The following USP5 variants were observed in gnomAD, a reference collection of about 807,000 sequenced individuals.
USP5 encodes the protein ubiquitin carboxyl-terminal hydrolase 5.
Under a neutral mutation model 102.5 loss-of-function variants are expected in USP5, and 24 were observed. The observed-to-expected ratio is 0.23, with a 90% CI of 0.17 to 0.33. The LOEUF is 0.33. Among genes scored for constraint, USP5 ranks in the 10% least tolerant of loss-of-function variants. The pLI, the probability that USP5 is intolerant of heterozygous loss-of-function variation, is 1.00. For missense variants in USP5, 753 were observed against 1,122.1 expected (o/e 0.67, Z 4.70); for synonymous variants, 460 against 434.8 (o/e 1.06, Z -0.72).
intron 13 of USP5, 66 bp from the exon 14 acceptor site, chr12:6,862,404 G>C: frequency 7.1e-7 from 1 of 1,407,284 alleles, no homozygotes; most frequent in Non-Finnish European, 1.0e-6. Context: ...TGAACCCCAG[G>C]TGGGAGTTTC....
At position 6,865,879 on chromosome 12, in the gene USP5, CAG is replaced by C. The variant is rs148947224; in HGVS notation, c.2484-100_2484-99del. Reference sequence around the variant, plus strand: ...CTGGGCTGTGGATTTGGGGTATGGGCAGAGAGTGTGGAGAGCACTTCCAGGGG... The same window carrying C: ...CTGGGCTGTGGATTTGGGGTATGGGCAGAGTGTGGAGAGCACTTCCAGGGG... On this transcript the variant is annotated intron_variant, in intron 19 of 19. Coordinates refer to ENST00000229268, the MANE Select transcript of USP5 (RefSeq NM_001098536.2). The C allele has an allele frequency of 1.0e-2, 9,753 of 976,486 alleles. 989 individuals carry two copies. The East Asian group carries it at 0.21, about 21-fold the overall frequency. 60.5% of individuals were successfully genotyped at this position (976,486 alleles called of 1,614,324 possible).
intron 14 of USP5, 63 bp downstream of exon 14, chr12:6,862,621 C>T: frequency 6.9e-7 from 1 of 1,446,138 alleles, no homozygotes; most frequent in Non-Finnish European, 9.7e-7. Flanking sequence ...GGCTTTAACA[C>T]ATATAAACTA....
chr12:6,866,165 G>A lies in USP5; in HGVS notation c.*88G>A. The A allele has an allele frequency of 8.2e-7, 1 of 1,222,266 alleles. No homozygotes were observed. 75.7% of individuals were successfully genotyped at this position (1,222,266 alleles called of 1,614,324 possible). ...CTGAGGGATGGACTTCAGCCCCTCT[G>A]CTCTGTACCCTTTTTCCTTTTGTCC... On this transcript the variant is annotated 3_prime_UTR_variant, in exon 20 of 20. Coordinates refer to ENST00000229268, the MANE Select transcript of USP5 (RefSeq NM_001098536.2). The surrounding 1 kb of genome is among the most constrained non-coding windows in gnomAD (Gnocchi z 4.7).
intron 14 of USP5, 67 bp downstream of exon 14, chr12:6,862,625 TAA>T: frequency 1.4e-6 from 2 of 1,412,382 alleles, no homozygotes; most frequent in East Asian, 4.6e-5. Context: ...TTAACACATA[TAA>T]ACTAGTGTTT....
Position 6,860,889 on chromosome 12 carries a change from A to G in USP5, c.1345-64A>G. On this transcript the variant is annotated intron_variant, in intron 11 of 19. Coordinates refer to ENST00000229268, the MANE Select transcript of USP5 (RefSeq NM_001098536.2). This position sits in a 1 kb window ranked among gnomAD's most constrained non-coding sequence, Gnocchi z 5.5. ...CCTTCTCTCCCTGACTCTCCCATGA[A>G]CCTTTCAGGCCCCATTCTGTTCCCT... is the stretch of plus-strand genomic sequence containing the variant. The G allele has an allele frequency of 1.9e-6, 3 of 1,596,148 alleles. No individual in the cohort carries two copies. Among genetic ancestry groups the G allele is most frequent in the Non-Finnish European group, 1.7e-6 (2 of 1,169,024 alleles).
At position 6,864,302 on chromosome 12, in the gene USP5, C is replaced by T. The variant is rs1156796440; in HGVS notation, c.2244+107C>T. 2.1e-5 allele frequency: 30 copies of T among 1,424,136 alleles called. No individual in the cohort carries two copies. In the African/African-American group the frequency reaches 2.4e-4, roughly 12 times the overall value. 88.2% of individuals were successfully genotyped at this position (1,424,136 alleles called of 1,614,324 possible). A position where few individuals can be genotyped will look rare whatever the true frequency, so the allele number is the denominator to read the frequency against. ...CCAAAGACAACAGGTGTGGTCTGGC[C>T]GAGGTTGGGCACCACTCTTTTGTGG... On this transcript the variant is annotated intron_variant, in intron 17 of 19. Coordinates refer to ENST00000229268, the MANE Select transcript of USP5 (RefSeq NM_001098536.2). The surrounding 1 kb of genome is among the most constrained non-coding windows in gnomAD (Gnocchi z 4.8).
chr12:6,865,627 G>C (rs1555130691), intron 19 of USP5, among the ~76,000 whole-genome samples: 1 of 152,180 alleles, frequency 6.6e-6, no homozygotes, highest in African/African-American at 2.4e-5. Context: ...TGTGTTGTTT[G>C]TGCCTGTTTT....
At position 6,864,517 on chromosome 12, in the gene USP5, G is replaced by A. The variant is rs1199889792; in HGVS notation, c.2245-205G>A. ...ATCCTGGCTAACACGGTGAAACCCC[G>A]TCTCTACGAAAAATACAAAAAATTA... On this transcript the variant is annotated intron_variant, in intron 17 of 19. Coordinates refer to ENST00000229268, the MANE Select transcript of USP5 (RefSeq NM_001098536.2). This position sits in a 1 kb window ranked among gnomAD's most constrained non-coding sequence, Gnocchi z 4.8. Among the ~76,000 whole-genome samples the A allele has an allele frequency of 3.9e-5, 6 of 152,144 alleles. No homozygotes were observed. Among genetic ancestry groups the A allele is most frequent in the Admixed American group, 1.3e-4 (2 of 15,276 alleles).
rs1428854497 is a variant in USP5 at position 6,861,117 on chromosome 12, C to A, written c.1498+11C>A. 6.2e-7 allele frequency: 1 copy of A among 1,613,520 alleles called. No individual in the cohort carries two copies. The stretch of plus-strand genomic sequence containing the variant: ...CAGCCCTTAACAAAGGTAGGCTGCT[C>A]CATCAGCAAGGCCGTGGCACGGTGG... On this transcript the variant is annotated intron_variant, in intron 12 of 19. Transcript: ENST00000229268. This position sits in a 1 kb window ranked among gnomAD's most constrained non-coding sequence, Gnocchi z 4.9.
chr12:6,860,888 A>G lies in USP5; in HGVS notation c.1345-65A>G. ...GCCTTCTCTCCCTGACTCTCCCATGAACCTTTCAGGCCCCATTCTGTTCCC... is the reference window on the plus strand; with the variant it reads ...GCCTTCTCTCCCTGACTCTCCCATGGACCTTTCAGGCCCCATTCTGTTCCC... On this transcript the variant is annotated intron_variant, in intron 11 of 19. Transcript: ENST00000229268. The surrounding 1 kb of genome is among the most constrained non-coding windows in gnomAD (Gnocchi z 5.5). 4 of 1,596,034 alleles carry G rather than the reference A, an allele frequency of 2.5e-6. No individual in the cohort carries two copies. The highest frequency in any genetic ancestry group is 3.4e-6 in the Non-Finnish European group (4 of 1,168,848).
rs140918109 is a variant in USP5, at chr12:6,859,944, C to T, written c.1131-207C>T. Among the ~76,000 whole-genome samples the T allele has an allele frequency of 1.4e-3, 212 of 152,286 alleles. 1 individual carries two copies. Among genetic ancestry groups the T allele is most frequent in the Non-Finnish European group, 2.5e-3 (169 of 68,014 alleles). ...TGCTGGGATTACAGGCGTGAGCCAC[C>T]GTGCACGGCCACCACTGGCCTATTA... is the stretch of plus-strand genomic sequence containing the variant. On this transcript the variant is annotated intron_variant, in intron 9 of 19. Transcript: ENST00000229268.
rs1469734629 is a variant in USP5, at chr12:6,863,038, C to G, written c.1763-148C>G. On this transcript the variant is annotated intron_variant, in intron 14 of 19. Transcript: ENST00000229268. This position sits in a 1 kb window ranked among gnomAD's most constrained non-coding sequence, Gnocchi z 4.7. ...AACTCCCAGGCTTAGTATTATTTGT[C>G]TTATACTGGGACCCCTAAGATGGGT... 5 of 724,976 alleles carry G rather than the reference C, an allele frequency of 6.9e-6. No homozygotes were observed. Among genetic ancestry groups the G allele is most frequent in the Non-Finnish European group, 1.1e-5 (5 of 458,360 alleles). The allele number at this position is 724,976 out of a possible 1,614,324, so 44.9% of individuals were successfully genotyped here.
Position 6,860,033 on chromosome 12 carries a change from TA to T in USP5, c.1131-116del. 9.0e-7 allele frequency: 1 copy of T among 1,116,936 alleles called. No individual in the cohort carries two copies. The highest frequency in any genetic ancestry group is 1.3e-6 in the Non-Finnish European group (1 of 763,072). 69.2% of individuals were successfully genotyped at this position (1,116,936 alleles called of 1,614,324 possible). On this transcript the variant is annotated intron_variant, in intron 9 of 19. Transcript: ENST00000229268. This position sits in a 1 kb window ranked among gnomAD's most constrained non-coding sequence, Gnocchi z 5.5. ...TCTTGAGCTGGGTTCCTGTAGAATCTAAGGTTTTTCACGTTGTTGAGAGTTA... is the reference window on the plus strand; with the variant it reads ...TCTTGAGCTGGGTTCCTGTAGAATCTAGGTTTTTCACGTTGTTGAGAGTTA...
In USP5 at chr12:6,858,828, G is replaced by T; in HGVS notation, c.1058+211G>T. The T allele has an allele frequency of 2.1e-6, 1 of 469,364 alleles. No individual in the cohort carries two copies. The highest frequency in any genetic ancestry group is 4.2e-5 in the South Asian group (1 of 23,666). 29.1% of individuals were successfully genotyped at this position (469,364 alleles called of 1,614,324 possible). ...GAGCCCAGGAGGTTGAGACCAGCCTGGGCAACATAGCGAGACCCTGTCTTC... is the reference window on the plus strand; with the variant it reads ...GAGCCCAGGAGGTTGAGACCAGCCTTGGCAACATAGCGAGACCCTGTCTTC... On this transcript the variant is annotated intron_variant, in intron 8 of 19. Coordinates refer to ENST00000229268, the MANE Select transcript of USP5 (RefSeq NM_001098536.2). This position sits in a 1 kb window ranked among gnomAD's most constrained non-coding sequence, Gnocchi z 4.2.
At chr12:6,857,585 T>C in intron 6 of USP5, 44 bp from the exon 7 acceptor site, 1 of 1,569,094 alleles carries the variant, frequency 6.4e-7, no homozygotes, top group African/African-American at 1.4e-5. Flanking sequence ...GCCTGGCTAG[T>C]CCTGAGCCAC....
chr12:6,863,549 T>C lies in USP5; in HGVS notation c.1954+172T>C, dbSNP rs1279884259. ...CGCACTCCTAGCCACCTTCTGGGTG[T>C]GGATGGCAGCAGTGCCAGCTAGTGG... On this transcript the variant is annotated intron_variant, in intron 15 of 19. Coordinates refer to ENST00000229268, the MANE Select transcript of USP5 (RefSeq NM_001098536.2). The surrounding 1 kb of genome is among the most constrained non-coding windows in gnomAD (Gnocchi z 4.7). Among the ~76,000 whole-genome samples the C allele has an allele frequency of 6.6e-6, 1 of 152,056 alleles. No homozygotes were observed. The highest frequency in any genetic ancestry group is 2.4e-5 in the African/African-American group (1 of 41,398).
rs782711495 is a variant in USP5, at chr12:6,855,500, T to C, written c.211T>C (p.Leu71=). ...CAATAAGACCGGCCAGCGAGTCTACTTGCACCTCCGGCGGACCCGGCGCCC... is the reference window on the plus strand; with the variant it reads ...CAATAAGACCGGCCAGCGAGTCTACCTGCACCTCCGGCGGACCCGGCGCCC... ...HFNKTGQRVY[L]HLRRTRRPKE... is the part of the protein sequence containing the mutation. The change falls in exon 2 of 20, where the codon TTG becomes CTG. Residue 71 remains leucine (L), a synonymous_variant. Transcript: ENST00000229268. The surrounding 1 kb of genome is among the most constrained non-coding windows in gnomAD (Gnocchi z 4.6). The C allele has an allele frequency of 5.0e-6, 8 of 1,614,182 alleles. No homozygotes were observed. The East Asian group carries it at 1.1e-4, about 22-fold the overall frequency.
rs781967034 is a variant in USP5 at position 6,860,347 on chromosome 12, C to T, written c.1219-19C>T. 8 of 1,614,076 alleles carry T rather than the reference C, an allele frequency of 5.0e-6. No homozygotes were observed. The South Asian group carries it at 8.8e-5, about 18-fold the overall frequency. Reference sequence around the variant, plus strand: ...TGGCCACTGAGCCCCAGCTGAGTCCCTGCCCTGACTCTTCCCAGGAAGTTC... The same window carrying T: ...TGGCCACTGAGCCCCAGCTGAGTCCTTGCCCTGACTCTTCCCAGGAAGTTC... On this transcript the variant is annotated intron_variant, in intron 10 of 19. Coordinates refer to ENST00000229268, the MANE Select transcript of USP5 (RefSeq NM_001098536.2). The surrounding 1 kb of genome is among the most constrained non-coding windows in gnomAD (Gnocchi z 5.5).
At position 6,855,842 on chromosome 12, in the gene USP5, A is replaced by G. The variant is rs1555128099; in HGVS notation, c.304+21A>G. On this transcript the variant is annotated intron_variant, in intron 3 of 19. Coordinates refer to ENST00000229268, the MANE Select transcript of USP5 (RefSeq NM_001098536.2). The surrounding 1 kb of genome is among the most constrained non-coding windows in gnomAD (Gnocchi z 4.6). ...TATTGGTGAGCACCGCTGCAGTCCT[A>G]TTCTTCTCCCTGAGCTGGTCTTTCT... is the stretch of plus-strand genomic sequence containing the variant. 8 of 1,613,982 alleles carry G rather than the reference A, an allele frequency of 5.0e-6. No homozygotes were observed. In the East Asian group the frequency reaches 1.3e-4, roughly 27 times the overall value.
Sources: gnomAD v4.1 joint callset for allele counts (sites outside exome capture counted in the v4.1 genomes callset) on GRCh38, gnomAD v4.1.1 for gene constraint, Gnocchi (gnomAD v3.1) non-coding constraint, MANE v1.5 for transcripts, NCBI Gene and HGNC (gene_info 2026-07-23, HGNC 2026-07-21) for gene names.